The following OR52N5 variants were observed in gnomAD, a reference collection of about 807,000 sequenced individuals.
The protein encoded by OR52N5 is olfactory receptor family 52 subfamily N member 5, also known as olfactory receptor 52N5.
OR52N5 carries 10 observed loss-of-function variants against 14.1 expected under a neutral mutation model. The observed-to-expected ratio is 0.71, with a 90% confidence interval of 0.44 to 1.20. The LOEUF (loss-of-function observed/expected upper bound fraction) is 1.20, where lower values mean the gene tolerates loss of function less well. OR52N5 is among the 50% of genes most tolerant of loss of function. OR52N5 has a pLI of 0.00. For missense variants in OR52N5, 361 were observed against 403.2 expected (o/e 0.90, Z 0.90); for synonymous variants, 116 against 143.0 (o/e 0.81, Z 1.35).
At position 5,778,093 on chromosome 11, in the gene OR52N5, T is replaced by C; in HGVS notation, c.542A>G (p.Asn181Ser). Residue 181 changes from asparagine to serine, a missense_variant, in exon 3 of 3, where the codon AAT (asparagine) becomes AGT (serine). Coordinates refer to ENST00000641181, the MANE Select transcript of OR52N5 (RefSeq NM_001385662.1). ...LVKRLPFCQS[N>S]IISHTYCDHM... ...GTCGCAGTACGTATGGGAGATAATATTGCTTTGGCAGAAAGGCAAACGCTT... is the reference window on the plus strand; with the variant it reads ...GTCGCAGTACGTATGGGAGATAATACTGCTTTGGCAGAAAGGCAAACGCTT... The C allele has an allele frequency of 2.0e-6, 3 of 1,519,636 alleles. 1 individual carries two copies. The highest frequency in any genetic ancestry group is 2.7e-6 in the Non-Finnish European group (3 of 1,112,960). The allele number at this position is 1,519,636 out of a possible 1,614,324, so 94.1% of individuals were successfully genotyped here. A position where few individuals can be genotyped will look rare whatever the true frequency, so the allele number is the denominator to read the frequency against.
chr11:5,778,646 A>G lies in OR52N5; in HGVS notation c.-12T>C, dbSNP rs75755747. On this transcript the variant is annotated 5_prime_UTR_variant, in exon 3 of 3. Coordinates refer to ENST00000641181, the MANE Select transcript of OR52N5 (RefSeq NM_001385662.1). ...TTAAATAGAGGCATTCTATTTTTCC[A>G]GAAGTTTCATCCTGAAGAGAAGGAA... The G allele has an allele frequency of 0.043, 59,777 of 1,387,886 alleles. 11,111 individuals are homozygous for G. The highest frequency in any genetic ancestry group is 0.05 in the Non-Finnish European group (51,684 of 1,032,078). The allele number at this position is 1,387,886 out of a possible 1,614,324, so 86.0% of individuals were successfully genotyped here. A position where few individuals can be genotyped will look rare whatever the true frequency, so the allele number is the denominator to read the frequency against.
chr11:5,778,775 A>G lies in OR52N5; in HGVS notation c.-23-118T>C. On this transcript the variant is annotated intron_variant, in intron 2 of 2. Coordinates refer to ENST00000641181, the MANE Select transcript of OR52N5 (RefSeq NM_001385662.1). ...CAACAATTATACATAAGTGACTATG[A>G]AAATATACAATGTATTGAATAATAC... 3.6e-6 allele frequency: 2 copies of G among 557,904 alleles called. 1 individual carries two copies. Among genetic ancestry groups the G allele is most frequent in the Non-Finnish European group, 6.1e-6 (2 of 325,274 alleles). 34.6% of individuals were successfully genotyped at this position (557,904 alleles called of 1,614,324 possible). A position where few individuals can be genotyped will look rare whatever the true frequency, so the allele number is the denominator to read the frequency against.
Position 5,777,858 on chromosome 11 carries a change from G to A in OR52N5, c.777C>T (p.Ile259=). 2.0e-6 allele frequency: 3 copies of A among 1,519,534 alleles called. No homozygotes were observed. The highest frequency in any genetic ancestry group is 1.8e-6 in the Non-Finnish European group (2 of 1,113,192). 94.1% of individuals were successfully genotyped at this position (1,519,534 alleles called of 1,614,324 possible). A position where few individuals can be genotyped will look rare whatever the true frequency, so the allele number is the denominator to read the frequency against. ...TCTAHISAII[I]TYVPAFFTFF... ...AAGTGAAGAATGCTGGAACATAGGT[G>A]ATGATGATGGCAGATATATGGGCAG... is the stretch of plus-strand genomic sequence containing the variant. Residue 259 remains isoleucine, a synonymous_variant, in exon 3 of 3, where the codon ATC becomes ATT. Coordinates refer to ENST00000641181, the MANE Select transcript of OR52N5 (RefSeq NM_001385662.1).
Position 5,777,395 on chromosome 11 carries a change from T to C in OR52N5, c.*265A>G, listed in dbSNP as rs1452322984. On this transcript the variant is annotated 3_prime_UTR_variant, in exon 3 of 3. Transcript: ENST00000641181. ...TATATTTAAAACATTATGTTATATA[T>C]GACATATTTAACTTTATGTGTCAAT... is the stretch of plus-strand genomic sequence containing the variant. The C allele has an allele frequency of 1.7e-5, 4 of 237,318 alleles. No homozygotes were observed. The highest frequency in any genetic ancestry group is 3.2e-5 in the Non-Finnish European group (4 of 126,032). 14.7% of individuals were successfully genotyped at this position (237,318 alleles called of 1,614,324 possible). A position where few individuals can be genotyped will look rare whatever the true frequency, so the allele number is the denominator to read the frequency against.
rs1393793708 is a variant in OR52N5 at position 5,778,266 on chromosome 11, C to T, written c.369G>A (p.Val123=). ...VHGFTGVESG[V]LMLMALDRYV... is the part of the protein sequence containing the mutation. ...AGCGGTCTAGAGCCATGAGCATGAG[C>T]ACCCCAGACTCCACACCTGTGAACC... Residue 123 remains valine (V), a synonymous_variant, in exon 3 of 3, where the codon GTG becomes GTA. Coordinates refer to ENST00000641181, the MANE Select transcript of OR52N5 (RefSeq NM_001385662.1). 1 of 1,520,962 alleles carries T rather than the reference C, an allele frequency of 6.6e-7. No individual in the cohort carries two copies. The highest frequency in any genetic ancestry group is 9.0e-7 in the Non-Finnish European group (1 of 1,114,658). The allele number at this position is 1,520,962 out of a possible 1,614,324, so 94.2% of individuals were successfully genotyped here.
At position 5,781,537 on chromosome 11, in the gene OR52N5, T is replaced by G. The variant is rs1426774587; in HGVS notation, c.-28A>C. ...TATAATAATAACAAAACATACCACA[T>G]CAAGATATGCTGCAGCTTACGACCT... On this transcript the variant is annotated 5_prime_UTR_variant, in exon 2 of 3. It removes an upstream start codon present in the reference 5' UTR. Transcript: ENST00000641181. The G allele has an allele frequency of 7.1e-6, 1 of 140,486 alleles. No individual in the cohort carries two copies. Among genetic ancestry groups the G allele is most frequent in the African/African-American group, 2.6e-5 (1 of 38,398 alleles). 8.7% of individuals were successfully genotyped at this position (140,486 alleles called of 1,614,324 possible). A position where few individuals can be genotyped will look rare whatever the true frequency, so the allele number is the denominator to read the frequency against.
At chr11:5,779,792 T>A (rs1854534686) in intron 2 of OR52N5, among the ~76,000 whole-genome samples, 1 of 139,354 alleles carries the variant, frequency 7.2e-6, no homozygotes, top group Non-Finnish European at 1.6e-5. Context: ...TGGATAATGG[T>A]GTCATTATCT....
Position 5,777,713 on chromosome 11 carries a change from G to A in OR52N5, c.922C>T (p.Gln308Ter), listed in dbSNP as rs548658588. 2 of 1,510,434 alleles carry A rather than the reference G, an allele frequency of 1.3e-6. No individual in the cohort carries two copies. Among genetic ancestry groups the A allele is most frequent in the South Asian group, 1.2e-5 (1 of 84,004 alleles). 93.6% of individuals were successfully genotyped at this position (1,510,434 alleles called of 1,614,324 possible). ...AACTTTATGACACTCTTGCGTATCT[G>A]TTTTGTCTTTACTCCATAAACAATA... ...NPIVYGVKTKQIRKSVIKFFQ... is the reference protein window; with the variant it reads ...NPIVYGVKTK The change falls in exon 3 of 3, where the codon CAG becomes TAG. Residue 308 changes from glutamine (Q) to a stop codon, truncating the protein, a stop_gained. Coordinates refer to ENST00000641181, the MANE Select transcript of OR52N5 (RefSeq NM_001385662.1). LOFTEE classifies it high-confidence loss of function.
chr11:5,777,520 C>T lies in OR52N5; in HGVS notation c.*140G>A. 1 of 665,830 alleles carries T rather than the reference C, an allele frequency of 1.5e-6. No homozygotes were observed. The highest frequency in any genetic ancestry group is 3.4e-5 in the South Asian group (1 of 29,018). 41.2% of individuals were successfully genotyped at this position (665,830 alleles called of 1,614,324 possible). ...ACATCCAGAATGGGCTATAAATTTC[C>T]CCAAAACAGTTTCAGAAAACATAGA... On this transcript the variant is annotated 3_prime_UTR_variant, in exon 3 of 3. Transcript: ENST00000641181.
rs1487120950 is a variant in OR52N5 at position 5,777,974 on chromosome 11, A to C, written c.661T>G (p.Cys221Gly). The C allele has an allele frequency of 3.3e-6, 5 of 1,519,628 alleles. 1 individual carries two copies. In the African/African-American group the frequency reaches 5.7e-5, roughly 17 times the overall value. 94.1% of individuals were successfully genotyped at this position (1,519,628 alleles called of 1,614,324 possible). A position where few individuals can be genotyped will look rare whatever the true frequency, so the allele number is the denominator to read the frequency against. ...AAAGTGTAAGACAAAGATATACAAC[A>C]AATGTCAAACACTCCAATCAGGAGA... Reference protein sequence around the residue: ...VALLIGVFDICCISLSYTLIL... With the variant: ...VALLIGVFDIGCISLSYTLIL... Residue 221 changes from cysteine to glycine, a missense_variant, in exon 3 of 3, where the codon TGT becomes GGT. Transcript: ENST00000641181.
Position 5,778,527 on chromosome 11 carries a change from G to A in OR52N5, c.108C>T (p.Ser36=), listed in dbSNP as rs201942985. The change falls in exon 3 of 3, where the codon TCC becomes TCT. Residue 36 remains serine, a synonymous_variant. Transcript: ENST00000641181. ...PGLERVHVWI[S]LPLCTMYIIF... is the part of the protein sequence containing the mutation. ...TGATGTACATTGTGCAGAGTGGGAG[G>A]GAGATCCATACATGTACTCTTTCCA... 4.6e-5 allele frequency: 70 copies of A among 1,515,104 alleles called. 13 individuals carry two copies. In the Middle Eastern group the frequency reaches 1.1e-3, roughly 24 times the overall value. 93.9% of individuals were successfully genotyped at this position (1,515,104 alleles called of 1,614,324 possible).
At position 5,776,401 on chromosome 11, in the gene OR52N5, G is replaced by A. The variant is rs554118241; in HGVS notation, c.*1259C>T. 7.1e-6 allele frequency: 1 copy of A among 139,914 alleles called. No homozygotes were observed. Among genetic ancestry groups the A allele is most frequent in the Non-Finnish European group, 1.6e-5 (1 of 63,218 alleles). The allele number at this position is 139,914 out of a possible 1,614,324, so 8.7% of individuals were successfully genotyped here. ...GCTCCTGCACTGACTTCTGGTGTACGCAAGCCTTGAGGTAAATAAGACTTG... is the reference window on the plus strand; with the variant it reads ...GCTCCTGCACTGACTTCTGGTGTACACAAGCCTTGAGGTAAATAAGACTTG... On this transcript the variant is annotated 3_prime_UTR_variant, in exon 3 of 3. Coordinates refer to ENST00000641181, the MANE Select transcript of OR52N5 (RefSeq NM_001385662.1).
In OR52N5 at chr11:5,782,115, AC is replaced by A. The variant is rs952440944; in HGVS notation, c.-247-360del. Among the ~76,000 whole-genome samples the A allele has an allele frequency of 8.6e-5, 12 of 140,350 alleles. 3 individuals carry two copies. Among genetic ancestry groups the A allele is most frequent in the Non-Finnish European group, 1.9e-4 (12 of 63,476 alleles). 92.1% of individuals were successfully genotyped at this position (140,350 alleles called of 152,430 possible). ...ATGTTTTCCCAGAAATGTCAAATCA[AC>A]CTTTTAATGACACAAAATGCTGTAA... On this transcript the variant is annotated intron_variant, in intron 1 of 2. Coordinates refer to ENST00000641181, the MANE Select transcript of OR52N5 (RefSeq NM_001385662.1).
intron 2 of OR52N5, 113 bp downstream of exon 2, chr11:5,781,420 C>A (rs1349663020): frequency 1.4e-5 from 2 of 139,798 alleles, no homozygotes; most frequent in African/African-American, 2.6e-5. Context: ...AAATACTATG[C>A]GGACTCACCC....
Position 5,777,923 on chromosome 11 carries a change from A to T in OR52N5, c.712T>A (p.Ser238Thr), listed in dbSNP as rs1372982834. The T allele has an allele frequency of 6.6e-7, 1 of 1,521,772 alleles. No homozygotes were observed. Among genetic ancestry groups the T allele is most frequent in the Non-Finnish European group, 9.0e-7 (1 of 1,114,864 alleles). The allele number at this position is 1,521,772 out of a possible 1,614,324, so 94.3% of individuals were successfully genotyped here. Reference sequence around the variant, plus strand: ...GCCTTCTGCCGAGCATCTGATGAAGAGAGGCTGATCGCTGCCTTGAGGATC... The same window carrying T: ...GCCTTCTGCCGAGCATCTGATGAAGTGAGGCTGATCGCTGCCTTGAGGATC... ...TLILKAAISL[S>T]SSDARQKAFS... is the part of the protein sequence containing the mutation. Residue 238 changes from serine (S) to threonine (T), a missense_variant, in exon 3 of 3, where the codon TCT (serine) becomes ACT (threonine). Coordinates refer to ENST00000641181, the MANE Select transcript of OR52N5 (RefSeq NM_001385662.1).
Position 5,777,899 on chromosome 11 carries a change from C to A in OR52N5, c.736G>T (p.Ala246Ser). The change falls in exon 3 of 3, where the codon GCT becomes TCT. Residue 246 changes from alanine to serine, a missense_variant. Ala to Ser is a moderately conservative substitution (Grantham distance 99, BLOSUM62 1). Transcript: ENST00000641181. ...SLSSSDARQKAFSTCTAHISA... is the reference protein window; with the variant it reads ...SLSSSDARQKSFSTCTAHISA... ...ATATGGGCAGTGCAGGTGCTGAAAG[C>A]CTTCTGCCGAGCATCTGATGAAGAG... 1 of 1,520,970 alleles carries A rather than the reference C, an allele frequency of 6.6e-7. No homozygotes were observed. Among genetic ancestry groups the A allele is most frequent in the Non-Finnish European group, 9.0e-7 (1 of 1,114,436 alleles). 94.2% of individuals were successfully genotyped at this position (1,520,970 alleles called of 1,614,324 possible). A position where few individuals can be genotyped will look rare whatever the true frequency, so the allele number is the denominator to read the frequency against.
intron 2 of OR52N5, among the ~76,000 whole-genome samples, chr11:5,779,732 T>G (rs1854534018): frequency 7.2e-6 from 1 of 139,702 alleles, no homozygotes; most frequent in South Asian, 2.4e-4. Context: ...ACTTATTGCT[T>G]TAATCTCTAC....
chr11:5,782,395 T>C lies in OR52N5; in HGVS notation c.-247-639A>G, dbSNP rs193269654. ...AAAAAAAAGTAATAGTAGTACTATT[T>C]GATTGTCTATATTTACCTGTTTAAT... On this transcript the variant is annotated intron_variant, in intron 1 of 2. Transcript: ENST00000641181. Among the ~76,000 whole-genome samples the C allele has an allele frequency of 6.9e-4, 97 of 140,090 alleles. 16 individuals carry two copies. Among genetic ancestry groups the C allele is most frequent in the African/African-American group, 2.5e-3 (94 of 38,364 alleles). 91.9% of individuals were successfully genotyped at this position (140,090 alleles called of 152,430 possible).
In OR52N5 at chr11:5,782,934, T is replaced by C. The variant is rs572354955; in HGVS notation, c.-248+361A>G. Among the ~76,000 whole-genome samples, 3 of 139,286 alleles carry C rather than the reference T, an allele frequency of 2.2e-5. 1 individual carries two copies. The highest frequency in any genetic ancestry group is 4.8e-5 in the Non-Finnish European group (3 of 63,092). 91.4% of individuals were successfully genotyped at this position (139,286 alleles called of 152,430 possible). A position where few individuals can be genotyped will look rare whatever the true frequency, so the allele number is the denominator to read the frequency against. The stretch of plus-strand genomic sequence containing the variant: ...TTGAAGGGAAAAGTTTGTAGCTATT[T>C]GTTTTTTCCTGATTTAAGAGACAGT... On this transcript the variant is annotated intron_variant, in intron 1 of 2. Transcript: ENST00000641181.
Sources: allele counts gnomAD v4.1 joint callset (sites outside exome capture counted in the v4.1 genomes callset), GRCh38; gene constraint gnomAD v4.1.1; transcripts MANE v1.5; gene names NCBI Gene and HGNC (gene_info 2026-07-23, HGNC 2026-07-21).